The following ZNF433 variants were observed in gnomAD, a reference collection of about 807,000 sequenced individuals.
ZNF433 encodes the protein zinc finger protein 433.
A neutral mutation model predicts 10.6 loss-of-function variants in ZNF433; 12 were observed. The observed-to-expected ratio is 1.13, with a 90% CI of 0.72 to 1.83. ZNF433 has a LOEUF of 1.83. ZNF433 is among the 40% of genes most tolerant of loss of function. The probability of loss-of-function intolerance (pLI) is 0.00; values close to 1 mark genes in which losing one functional copy is unlikely to be tolerated. For missense variants in ZNF433, 737 were observed against 798.0 expected (o/e 0.92, Z 0.92); for synonymous variants, 272 against 271.3 (o/e 1.00, Z -0.02).
chr19:12,026,026 T>C (rs1267805750), intron 1 of ZNF433: 1 of 152,346 alleles, frequency 6.6e-6, no homozygotes, highest in Middle Eastern at 3.1e-3. Flanking sequence ...TTAAATTTTT[T>C]GAGCCTGCCT....
rs938244206 is a variant in ZNF433 at position 12,017,455 on chromosome 19, G to A, written c.191+421C>T. Among the ~76,000 whole-genome samples the A allele has an allele frequency of 2.6e-5, 4 of 152,058 alleles. No homozygotes were observed. In the South Asian group the frequency reaches 6.2e-4, roughly 24 times the overall value. On this transcript the variant is annotated intron_variant, in intron 3 of 3. Coordinates refer to ENST00000550507, the MANE Select transcript of ZNF433 (RefSeq NM_001308348.2). Reference sequence around the variant, plus strand: ...TGACCTCAAGTGACCCACCCTCCTCGGCCTTCCAAAGTGCTGGGATTACAG... The same window carrying A: ...TGACCTCAAGTGACCCACCCTCCTCAGCCTTCCAAAGTGCTGGGATTACAG...
At position 12,033,167 on chromosome 19, in the gene ZNF433, C is replaced by T. The variant is rs544416838; in HGVS notation, c.3+2370G>A. On this transcript the variant is annotated intron_variant, in intron 1 of 3. Coordinates refer to ENST00000550507, the MANE Select transcript of ZNF433 (RefSeq NM_001308348.2). ...GGAGTGCAGTGGTGCGATGTCCGCTCATTGCAGAATCCACCTCCCAGGTCC... is the reference window on the plus strand; with the variant it reads ...GGAGTGCAGTGGTGCGATGTCCGCTTATTGCAGAATCCACCTCCCAGGTCC... Among the ~76,000 whole-genome samples, 17 of 152,174 alleles carry T rather than the reference C, an allele frequency of 1.1e-4. 1 individual carries two copies. Among genetic ancestry groups the T allele is most frequent in the African/African-American group, 1.7e-4 (7 of 41,528 alleles).
rs1039401164 is a variant in ZNF433, at chr19:12,035,679, G to A, written c.-140C>T. ...CTCGCCGCCTGGAGCCGGGAACCGAGGAGAGCAGGGCCTTCGCCCTCCCCG... is the reference window on the plus strand; with the variant it reads ...CTCGCCGCCTGGAGCCGGGAACCGAAGAGAGCAGGGCCTTCGCCCTCCCCG... On this transcript the variant is annotated 5_prime_UTR_variant, in exon 1 of 4. Transcript: ENST00000550507. 2.6e-5 allele frequency: 31 copies of A among 1,193,338 alleles called. No homozygotes were observed. In the African/African-American group the frequency reaches 4.4e-4, roughly 17 times the overall value. 73.9% of individuals were successfully genotyped at this position (1,193,338 alleles called of 1,614,324 possible).
At chr19:12,030,874 G>C (rs1056377693) in intron 1 of ZNF433, among the ~76,000 whole-genome samples, 2 of 152,076 alleles carry the variant, frequency 1.3e-5, no homozygotes, top group Admixed American at 6.5e-5. Flanking sequence ...TCAGGAATTC[G>C]AGACAAGCCT....
At chr19:12,029,851 G>T (rs1974922529) in intron 1 of ZNF433, among the ~76,000 whole-genome samples, 1 of 151,948 alleles carries the variant, frequency 6.6e-6, no homozygotes, top group Non-Finnish European at 1.5e-5. Context: ...GGAGCCTGAG[G>T]TGGGTGGATC....
chr19:12,020,387 A>G (rs1218450323), intron 1 of ZNF433, among the ~76,000 whole-genome samples: 1 of 152,224 alleles, frequency 6.6e-6, no homozygotes. Flanking sequence ...AGGCATAAGT[A>G]TTTTACACAG....
intron 1 of ZNF433, chr19:12,026,403 GA>G: frequency 3.4e-6 from 1 of 297,982 alleles, no homozygotes; most frequent in South Asian, 2.8e-5. Flanking sequence ...AAAAACCTGA[GA>G]AAAGCGGGAC....
intron 1 of ZNF433, among the ~76,000 whole-genome samples, chr19:12,033,958 G>A (rs545257928): frequency 2.0e-5 from 3 of 152,296 alleles, no homozygotes; most frequent in African/African-American, 7.2e-5. Flanking sequence ...AGGGTCACAG[G>A]GTGGAGGGTT....
chr19:12,029,521 CAAAAAAAAAA>C (rs55659942), intron 1 of ZNF433, among the ~76,000 whole-genome samples: 5 of 48,422 alleles, frequency 1.0e-4, no homozygotes, highest in Admixed American at 4.4e-4. Context: ...GACTCTGTCT[CAAAAAAAAAA>C]AAAAAAAAAA....
chr19:12,016,587 G>T lies in ZNF433; in HGVS notation c.271C>A (p.Leu91Met). ...TTTACTCCAGTAGTTGTTTTCTTCA[G>T]CATGTCATCTGGAACCTGGGTCAAA... Reference protein sequence around the residue: ...EILTQVPDDMLKKTTTGVKSC... With the variant: ...EILTQVPDDMMKKTTTGVKSC... The change falls in exon 4 of 4, where the codon CTG becomes ATG. Residue 91 changes from leucine (L) to methionine (M), a missense_variant. By Grantham distance (15) the Leu-to-Met change is conservative. Coordinates refer to ENST00000550507, the MANE Select transcript of ZNF433 (RefSeq NM_001308348.2). 6.2e-7 allele frequency: 1 copy of T among 1,614,084 alleles called. No homozygotes were observed. Among genetic ancestry groups the T allele is most frequent in the Non-Finnish European group, 8.5e-7 (1 of 1,180,038 alleles).
At chr19:12,017,291 C>T (rs756214408) in intron 3 of ZNF433, among the ~76,000 whole-genome samples, 1 of 152,120 alleles carries the variant, frequency 6.6e-6, no homozygotes, top group African/African-American at 2.4e-5. Context: ...CAACCTCCCC[C>T]TCCTGGGTTC....
intron 1 of ZNF433, among the ~76,000 whole-genome samples, chr19:12,019,921 A>G (rs998430260): frequency 4.0e-5 from 6 of 151,840 alleles, no homozygotes; most frequent in African/African-American, 1.5e-4. Flanking sequence ...TTATTTTACA[A>G]TAATTAAAAA....
chr19:12,022,096 G>A (rs1421606000), intron 1 of ZNF433: 1 of 437,000 alleles, frequency 2.3e-6, no homozygotes, highest in East Asian at 7.2e-5. Context: ...TGTTCGTGAT[G>A]GCCATGACAC....
intron 1 of ZNF433, chr19:12,026,924 G>C (rs961412130): frequency 2.0e-5 from 9 of 454,148 alleles, no homozygotes; most frequent in Middle Eastern, 6.9e-4. Flanking sequence ...TGGTGGTATA[G>C]TGGCACCTCA....
At chr19:12,031,820 A>C (rs981200989) in intron 1 of ZNF433, among the ~76,000 whole-genome samples, 1 of 151,560 alleles carries the variant, frequency 6.6e-6, no homozygotes, top group Admixed American at 6.6e-5. Flanking sequence ...CAGGAGGTCA[A>C]GGCTGTAGTG....
chr19:12,034,719 A>G, intron 1 of ZNF433: 1 of 436,232 alleles, frequency 2.3e-6, no homozygotes, highest in African/African-American at 2.0e-5. Flanking sequence ...TCGAAGTTTT[A>G]GACAAAGCTT....
chr19:12,021,061 A>C (rs1974470975), intron 1 of ZNF433, among the ~76,000 whole-genome samples: 1 of 149,478 alleles, frequency 6.7e-6, no homozygotes, highest in Non-Finnish European at 1.5e-5. Context: ...GCTCACTGCA[A>C]CCTCTGCCTC....
Position 12,016,399 on chromosome 19 carries a change from AGAG to A in ZNF433, c.456_458del (p.Ser153del), listed in dbSNP as rs777698060. 6.8e-6 allele frequency: 11 copies of A among 1,614,056 alleles called. No individual in the cohort carries two copies. Among genetic ancestry groups the A allele is most frequent in the East Asian group, 4.5e-5 (2 of 44,888 alleles). ...TATGAGCCCTTTCATGTGTCTGAAC[AGAG>A]GAGAGACAGTTGAAAGGTTTTTTAC... On this transcript the variant is annotated inframe_deletion, in exon 4 of 4. Transcript: ENST00000550507.
chr19:12,024,664 T>C (rs1046030629), intron 1 of ZNF433: 2 of 152,162 alleles, frequency 1.3e-5, no homozygotes, highest in African/African-American at 4.8e-5. Flanking sequence ...CTCAGATAAA[T>C]AGAATAGATC....
Sources: gnomAD v4.1 joint callset for allele counts (sites outside exome capture counted in the v4.1 genomes callset) on GRCh38, gnomAD v4.1.1 for gene constraint, MANE v1.5 for transcripts, NCBI Gene and HGNC (gene_info 2026-07-23, HGNC 2026-07-21) for gene names.